MAGI2: variants seen among roughly 807,000 people sequenced by gnomAD.
MAGI2 encodes the protein membrane associated guanylate kinase, WW and PDZ domain containing 2, also known as membrane-associated guanylate kinase, WW and PDZ domain-containing protein 2.
A neutral mutation model predicts 133.3 loss-of-function variants in MAGI2; 35 were observed. The ratio of observed to expected loss-of-function variants is 0.26; its 90% CI spans 0.20 to 0.35. The LOEUF is 0.35. Ranked by LOEUF, MAGI2 falls within the 10% of genes least tolerant of loss-of-function variation. The pLI is 1.00. For missense variants in MAGI2, 1,636 were observed against 1,863.4 expected (o/e 0.88, Z 2.25); for synonymous variants, 729 against 710.6 (o/e 1.03, Z -0.41).
chr7:78,355,955 G>A (rs750646432), intron 7 of MAGI2, among the ~76,000 whole-genome samples: 17 of 152,152 alleles, frequency 1.1e-4, no homozygotes, highest in Non-Finnish European at 1.9e-4. Context: ...TTTACATATT[G>A]GAGAAAGTGA....
chr7:78,401,751 T>C (rs1796889716), intron 6 of MAGI2, among the ~76,000 whole-genome samples: 1 of 152,170 alleles, frequency 6.6e-6, no homozygotes, highest in Admixed American at 6.6e-5. Flanking sequence ...TTTTATAGAA[T>C]TTAAGATAAA....
chr7:78,699,091 G>A (rs11763541), intron 2 of MAGI2, among the ~76,000 whole-genome samples: 7,549 of 152,246 alleles, frequency 0.05, 277 homozygotes, highest in Non-Finnish European at 0.077. Flanking sequence ...CTTTCTGATG[G>A]CTCACTGTAC....
At chr7:78,539,947 G>A (rs1448082879) in intron 3 of MAGI2, among the ~76,000 whole-genome samples, 1 of 152,232 alleles carries the variant, frequency 6.6e-6, no homozygotes, top group Non-Finnish European at 1.5e-5. Flanking sequence ...GGAATTAGCT[G>A]CTGTTTTCTC....
At chr7:78,845,243 A>C (rs1792487898) in intron 2 of MAGI2, among the ~76,000 whole-genome samples, 1 of 151,960 alleles carries the variant, frequency 6.6e-6, no homozygotes, top group Admixed American at 6.6e-5. Context: ...GTATGAAAGC[A>C]ATAGTGCAAT....
chr7:79,020,856 G>A (rs1391841714), intron 1 of MAGI2, among the ~76,000 whole-genome samples: 2 of 152,130 alleles, frequency 1.3e-5, no homozygotes, highest in Non-Finnish European at 2.9e-5. Flanking sequence ...CATGTCAGAG[G>A]TCTTCACAGC....
intron 1 of MAGI2, chr7:79,124,592 C>T (rs1214626761): frequency 6.6e-6 from 1 of 152,338 alleles, no homozygotes; most frequent in Non-Finnish European, 1.5e-5. Context: ...CAGAAACTAA[C>T]ACTGACTGAG....
intron 4 of MAGI2, among the ~76,000 whole-genome samples, chr7:78,506,488 TGGAGCA>T (rs750309840): frequency 1.3e-5 from 2 of 152,182 alleles, no homozygotes; most frequent in Non-Finnish European, 1.5e-5. Context: ...AACAAGAATC[TGGAGCA>T]GCTGTCTGAT....
Position 78,647,484 on chromosome 7 carries a change from C to G in MAGI2, c.419-20245G>C, listed in dbSNP as rs372376172. 7.9e-5 allele frequency among the ~76,000 whole-genome samples: 12 copies of G among 152,154 alleles called. 1 individual carries two copies. In the East Asian group the frequency reaches 9.7e-4, roughly 12 times the overall value. On this transcript the variant is annotated intron_variant, in intron 2 of 21. Coordinates refer to ENST00000354212, the MANE Select transcript of MAGI2 (RefSeq NM_012301.4). Reference sequence around the variant, plus strand: ...CCGTTAGAATGGTGATCATTAAAAACTCAGGAAACAACAGATGCTGGAGAG... The same window carrying G: ...CCGTTAGAATGGTGATCATTAAAAAGTCAGGAAACAACAGATGCTGGAGAG...
intron 1 of MAGI2, among the ~76,000 whole-genome samples, chr7:79,053,013 G>A (rs977468545): frequency 5.9e-5 from 9 of 151,936 alleles, no homozygotes; most frequent in South Asian, 2.1e-4. Flanking sequence ...TCACTCTGTC[G>A]TCCAGGCTGG....
At chr7:78,887,286 C>T (rs1796344718) in intron 2 of MAGI2, among the ~76,000 whole-genome samples, 1 of 152,194 alleles carries the variant, frequency 6.6e-6, no homozygotes, top group Admixed American at 6.5e-5. Flanking sequence ...TTATCATTAA[C>T]ATTCTTTAAA....
At chr7:78,590,466 G>A (rs1803883603) in intron 3 of MAGI2, among the ~76,000 whole-genome samples, 1 of 152,172 alleles carries the variant, frequency 6.6e-6, no homozygotes, top group Non-Finnish European at 1.5e-5. Context: ...TTCACATTTA[G>A]CTTCAGGCAT....
chr7:78,970,047 A>G (rs1191553232), intron 2 of MAGI2, among the ~76,000 whole-genome samples: 1 of 152,086 alleles, frequency 6.6e-6, no homozygotes, highest in Admixed American at 6.6e-5. Flanking sequence ...AGGCTAGTCC[A>G]CATTCCATCT....
At chr7:78,828,613 A>G (rs886911338) in intron 2 of MAGI2, among the ~76,000 whole-genome samples, 2 of 152,192 alleles carry the variant, frequency 1.3e-5, no homozygotes, top group African/African-American at 4.8e-5. Flanking sequence ...GTAAAAACTA[A>G]GGAAATATGA....
chr7:78,212,334 A>T (rs1229914514), intron 10 of MAGI2, among the ~76,000 whole-genome samples: 2 of 152,226 alleles, frequency 1.3e-5, no homozygotes, highest in Non-Finnish European at 2.9e-5. Context: ...AGATGCAAAG[A>T]GTATCTTTGA....
intron 10 of MAGI2, among the ~76,000 whole-genome samples, chr7:78,227,566 T>G (rs533407507): frequency 1.0e-3 from 155 of 152,356 alleles, no homozygotes; most frequent in African/African-American, 3.6e-3. Flanking sequence ...CAGGCGATTC[T>G]TTTCCTAAGT....
At chr7:78,135,329 G>A in intron 16 of MAGI2, 123 bp from the exon 17 acceptor site, 2 of 788,180 alleles carry the variant, frequency 2.5e-6, no homozygotes, top group African/African-American at 1.7e-5. Flanking sequence ...TTTGCCTTTT[G>A]AAATCACACT....
intron 2 of MAGI2, among the ~76,000 whole-genome samples, chr7:78,893,533 T>C (rs1796944610): frequency 1.3e-5 from 2 of 152,102 alleles, no homozygotes; most frequent in Non-Finnish European, 2.9e-5. Flanking sequence ...ATATACACCT[T>C]GGAATACTAT....
intron 1 of MAGI2, among the ~76,000 whole-genome samples, chr7:79,313,096 C>T (rs1838421560): frequency 1.3e-5 from 2 of 152,004 alleles, no homozygotes; most frequent in South Asian, 4.1e-4. Context: ...CCTCTCCCTA[C>T]TTTAAAGATT....
At chr7:78,617,763 A>T (rs938914586) in intron 3 of MAGI2, 25 of 152,086 alleles carry the variant, frequency 1.6e-4, no homozygotes, top group Admixed American at 1.6e-3. Flanking sequence ...AGTTTATAAA[A>T]TAATTCATAA....
Sources: gnomAD v4.1 joint callset for allele counts (sites outside exome capture counted in the v4.1 genomes callset) on GRCh38, gnomAD v4.1.1 for gene constraint, MANE v1.5 for transcripts, NCBI Gene and HGNC (gene_info 2026-07-23, HGNC 2026-07-21) for gene names.